Variants in CRACR2A observed in about 807,000 individuals in gnomAD.
CRACR2A encodes calcium release activated channel regulator 2A.
In CRACR2A, 79 loss-of-function variants were observed where a neutral mutation model predicts 90.5. The observed-to-expected ratio is 0.87, with a 90% CI of 0.73 to 1.05. The LOEUF (loss-of-function observed/expected upper bound fraction) is 1.05. Among genes scored for constraint, CRACR2A ranks in the 50% least tolerant of loss-of-function variants. The pLI, the probability that CRACR2A is intolerant of heterozygous loss-of-function variation, is 0.00. For missense variants in CRACR2A, 823 were observed against 897.2 expected (o/e 0.92, Z 1.06); for synonymous variants, 338 against 356.7 (o/e 0.95, Z 0.59).
intron 1 of CRACR2A, among the ~76,000 whole-genome samples, chr12:3,742,696 T>C (rs2137903314): frequency 6.6e-6 from 1 of 152,330 alleles, no homozygotes; most frequent in South Asian, 2.1e-4. Context: ...TCAGACACTG[T>C]CTATAAGATG....
chr12:3,718,238 G>A (rs1265512437), intron 2 of CRACR2A, among the ~76,000 whole-genome samples: 1 of 152,210 alleles, frequency 6.6e-6, no homozygotes, highest in Non-Finnish European at 1.5e-5. Context: ...GTACAGTGTT[G>A]TTCCCTCGCC....
intron 7 of CRACR2A, among the ~76,000 whole-genome samples, chr12:3,666,364 T>TGTGTGTGTGTGC (rs765943563): frequency 6.0e-5 from 9 of 149,498 alleles, no homozygotes; most frequent in African/African-American, 2.2e-4. Context: ...TGCGTGCGTG[T>TGTGTGTGTGTGC]GCGCGTGCGC....
At chr12:3,635,435 C>T (rs1944438774) in intron 14 of CRACR2A, among the ~76,000 whole-genome samples, 1 of 152,158 alleles carries the variant, frequency 6.6e-6, no homozygotes, top group Admixed American at 6.5e-5. Context: ...TTAGGAAATA[C>T]ACAAAAGTAG....
chr12:3,697,113 A>G, intron 3 of CRACR2A, 78 bp from the exon 4 acceptor site: 1 of 1,457,230 alleles, frequency 6.9e-7, no homozygotes, highest in Non-Finnish European at 9.1e-7. Flanking sequence ...GGGGATGAGA[A>G]GGAAGCACAG....
In CRACR2A at chr12:3,696,892, C is replaced by T. The variant is rs763770831; in HGVS notation, c.108G>A (p.Leu36=). ...TTTGCTCCTGAGTCTCCTTCTGCTC[C>T]AGGCTGTCCAGGGGATGCAGGCAGG... ...SGACLHPLDS[L]EQKETQEQTS... is the part of the protein sequence containing the mutation. Residue 36 remains leucine, a synonymous_variant, in exon 4 of 20, where the codon CTG becomes CTA. Coordinates refer to ENST00000440314, the MANE Select transcript of CRACR2A (RefSeq NM_001144958.2). 5 of 1,614,254 alleles carry T rather than the reference C, an allele frequency of 3.1e-6. No homozygotes were observed. Among genetic ancestry groups the T allele is most frequent in the Non-Finnish European group, 4.2e-6 (5 of 1,180,048 alleles).
chr12:3,693,721 C>T (rs1945691768), intron 4 of CRACR2A, among the ~76,000 whole-genome samples: 2 of 152,156 alleles, frequency 1.3e-5, no homozygotes, highest in South Asian at 4.1e-4. Context: ...CCTGACCTTT[C>T]TCCATAGCTA....
chr12:3,671,675 A>AACTT (rs1945245408), intron 7 of CRACR2A, among the ~76,000 whole-genome samples: 1 of 152,192 alleles, frequency 6.6e-6, no homozygotes, highest in Non-Finnish European at 1.5e-5. Context: ...GGGATCCTTA[A>AACTT]ACTTAGCCTC....
At chr12:3,716,115 T>C (rs1946078845) in intron 2 of CRACR2A, among the ~76,000 whole-genome samples, 1 of 152,084 alleles carries the variant, frequency 6.6e-6, no homozygotes, top group Non-Finnish European at 1.5e-5. Flanking sequence ...TTTCTCATAA[T>C]AAATGCTCTC....
intron 1 of CRACR2A, among the ~76,000 whole-genome samples, chr12:3,745,825 T>TAAAATA (rs149739964): frequency 1.7e-4 from 17 of 100,482 alleles, no homozygotes; most frequent in Admixed American, 2.2e-4. Context: ...TAAAATAAAA[T>TAAAATA]AAAGAAAGAA....
At position 3,638,280 on chromosome 12, in the gene CRACR2A, G is replaced by C; in HGVS notation, c.1446C>G (p.Leu482=). The change falls in exon 14 of 20, where the codon CTC becomes CTG. Residue 482 remains leucine (L), a synonymous_variant. Transcript: ENST00000440314. ...GGGGTTGCTCAAAGCCACCATCCAG[G>C]AGCTGGGGCAGGGGGTCTTCTTCAA... The part of the protein sequence containing the change: ...ISVEEDPLPQ[L]LDGGFEQPLS... 1 of 1,551,686 alleles carries C rather than the reference G, an allele frequency of 6.4e-7. No individual in the cohort carries two copies. The highest frequency in any genetic ancestry group is 8.7e-7 in the Non-Finnish European group (1 of 1,146,990).
intron 11 of CRACR2A, 43 bp downstream of exon 11, chr12:3,648,499 T>G: frequency 6.8e-6 from 11 of 1,613,912 alleles, no homozygotes; most frequent in Non-Finnish European, 9.3e-6. Context: ...ACCCCAGGCT[T>G]CTGGGAGGTG....
intron 1 of CRACR2A, among the ~76,000 whole-genome samples, chr12:3,744,841 C>G (rs1946585242): frequency 6.6e-6 from 1 of 152,202 alleles, no homozygotes; most frequent in African/African-American, 2.4e-5. Context: ...ACCAAACCTT[C>G]TCCAACCCCA....
chr12:3,747,346 G>A (rs7306484), intron 1 of CRACR2A, among the ~76,000 whole-genome samples: 2,533 of 152,330 alleles, frequency 0.017, 61 homozygotes, highest in African/African-American at 0.058. Flanking sequence ...TGCCCAGTGT[G>A]TTTCTGTGCA....
At chr12:3,737,892 G>A (rs1946470087) in intron 1 of CRACR2A, among the ~76,000 whole-genome samples, 1 of 152,176 alleles carries the variant, frequency 6.6e-6, no homozygotes, top group South Asian at 2.1e-4. Context: ...TCTCCTAAAG[G>A]AGCCTCTCAT....
At chr12:3,715,076 G>A (rs1414253213) in intron 2 of CRACR2A, among the ~76,000 whole-genome samples, 1 of 152,234 alleles carries the variant, frequency 6.6e-6, no homozygotes, top group African/African-American at 2.4e-5. Context: ...GAGTGACCAT[G>A]CTAATTAATT....
Position 3,666,370 on chromosome 12 carries a change from T to TGCGCGCGC in CRACR2A, c.672-6724_672-6717dup, listed in dbSNP as rs1945149130. On this transcript the variant is annotated intron_variant, in intron 7 of 19. Coordinates refer to ENST00000440314, the MANE Select transcript of CRACR2A (RefSeq NM_001144958.2). ...GTGTGTGTGTGCGTGCGTGTGCGCG[T>TGCGCGCGC]GCGCGCGCACGCGCGCACACGCTCA... Among the ~76,000 whole-genome samples the TGCGCGCGC allele has an allele frequency of 5.6e-5, 8 of 142,712 alleles. No homozygotes were observed. The East Asian group carries it at 1.6e-3, about 29-fold the overall frequency. 93.6% of individuals were successfully genotyped at this position (142,712 alleles called of 152,430 possible).
chr12:3,697,142 C>G, intron 3 of CRACR2A, 107 bp from the exon 4 acceptor site: 1 of 1,340,448 alleles, frequency 7.5e-7, no homozygotes, highest in Non-Finnish European at 9.9e-7. Context: ...ACCAGTGTGT[C>G]CAGGAATCTC....
chr12:3,617,102 C>T, intron 18 of CRACR2A, 72 bp from the exon 19 acceptor site: 1 of 1,168,064 alleles, frequency 8.6e-7, no homozygotes, highest in Non-Finnish European at 1.2e-6. Flanking sequence ...GTGGGAGAGC[C>T]CCCTTGTGCA....
At chr12:3,644,780 G>A (rs1337726226) in intron 11 of CRACR2A, 140 bp from the exon 12 acceptor site, 9 of 759,036 alleles carry the variant, frequency 1.2e-5, no homozygotes, top group African/African-American at 3.5e-5. Flanking sequence ...TCCTTCCATA[G>A]GGATGTGATT....
Sources: gnomAD v4.1 joint callset for allele counts (sites outside exome capture counted in the v4.1 genomes callset) on GRCh38, gnomAD v4.1.1 for gene constraint, MANE v1.5 for transcripts, NCBI Gene and HGNC (gene_info 2026-07-23, HGNC 2026-07-21) for gene names.